The following PAK1 variants were observed in gnomAD, a reference collection of about 807,000 sequenced individuals.
The protein encoded by PAK1 is serine/threonine-protein kinase PAK 1.
PAK1 carries 29 observed loss-of-function variants against 67.4 expected under a neutral mutation model. The observed-to-expected ratio is 0.43, with a 90% CI of 0.32 to 0.59. The LOEUF (loss-of-function observed/expected upper bound fraction) is 0.59. PAK1 is among the 20% of genes least tolerant of loss of function. The pLI, the probability that PAK1 is intolerant of heterozygous loss-of-function variation, is 0.07. For missense variants in PAK1, 337 were observed against 670.7 expected (o/e 0.50, Z 5.50); for synonymous variants, 223 against 237.4 (o/e 0.94, Z 0.56).
intron 2 of PAK1, among the ~76,000 whole-genome samples, chr11:77,380,689 A>G (rs1313637729): frequency 6.6e-6 from 1 of 152,150 alleles, no homozygotes; most frequent in Non-Finnish European, 1.5e-5. Context: ...ATAGTAATTG[A>G]CTATTATAAG....
At chr11:77,457,126 A>T (rs1332782608) in intron 1 of PAK1, among the ~76,000 whole-genome samples, 1 of 152,228 alleles carries the variant, frequency 6.6e-6, no homozygotes, top group Non-Finnish European at 1.5e-5. Flanking sequence ...GCCAGATCAC[A>T]GTCAGGAAAT....
intron 12 of PAK1, 61 bp downstream of exon 12, chr11:77,337,263 C>G: frequency 1.2e-6 from 1 of 800,694 alleles, no homozygotes; most frequent in Non-Finnish European, 2.1e-6. Context: ...TGATGACCAT[C>G]TCACAGGAGA....
chr11:77,503,161 G>A, the PAK1 span, among the ~76,000 whole-genome samples: 48 of 152,228 alleles, frequency 3.2e-4, no homozygotes, highest in African/African-American at 1.2e-3. Flanking sequence ...TCCCTCTGGG[G>A]CCACCACAAA....
intron 2 of PAK1, among the ~76,000 whole-genome samples, chr11:77,391,237 C>G (rs188822155): frequency 6.6e-6 from 1 of 152,262 alleles, no homozygotes; most frequent in African/African-American, 2.4e-5. Flanking sequence ...GCTATGCCTC[C>G]CAGTTTCTAT....
chr11:77,333,641 G>A (rs1170339688), intron 13 of PAK1, among the ~76,000 whole-genome samples: 1 of 152,114 alleles, frequency 6.6e-6, no homozygotes, highest in Non-Finnish European at 1.5e-5. Context: ...AGCAGGAAAG[G>A]AATATTAAAT....
chr11:77,519,644 T>G, the PAK1 span, among the ~76,000 whole-genome samples: 4 of 152,202 alleles, frequency 2.6e-5, no homozygotes, highest in African/African-American at 9.7e-5. Context: ...TTTTCCTAAT[T>G]CTATCATTCC....
intron 1 of PAK1, among the ~76,000 whole-genome samples, chr11:77,433,607 G>A (rs1955966815): frequency 6.6e-6 from 1 of 152,022 alleles, no homozygotes; most frequent in Admixed American, 6.6e-5. Flanking sequence ...GTGAAACCCT[G>A]TCTCTACTAA....
intron 1 of PAK1, among the ~76,000 whole-genome samples, chr11:77,440,878 T>C (rs1478410353): frequency 2.6e-5 from 4 of 151,772 alleles, no homozygotes; most frequent in Non-Finnish European, 5.9e-5. Context: ...CTCCCACCTC[T>C]ACCTGCTCCT....
At chr11:77,338,549 T>G (rs1943094378) in intron 11 of PAK1, among the ~76,000 whole-genome samples, 1 of 152,188 alleles carries the variant, frequency 6.6e-6, no homozygotes, top group African/African-American at 2.4e-5. Context: ...GGAAACAGTT[T>G]GGCAGTTCCT....
At chr11:77,365,124 T>C (rs1185531369) in intron 5 of PAK1, among the ~76,000 whole-genome samples, 1 of 151,676 alleles carries the variant, frequency 6.6e-6, no homozygotes, top group East Asian at 1.9e-4. Flanking sequence ...CGGTGGCACG[T>C]GCCTGTTGTC....
At chr11:77,452,472 G>A (rs977147330) in intron 1 of PAK1, among the ~76,000 whole-genome samples, 2 of 152,144 alleles carry the variant, frequency 1.3e-5, no homozygotes, top group Non-Finnish European at 2.9e-5. Context: ...TGAATGAGCT[G>A]CTTTTCTTCT....
chr11:77,374,143 AGCTGAAAG>A (rs879707996), intron 5 of PAK1, among the ~76,000 whole-genome samples, 177 bp downstream of exon 5: 7 of 152,248 alleles, frequency 4.6e-5, no homozygotes, highest in Non-Finnish European at 1.0e-4. Flanking sequence ...AGGACATTAA[AGCTGAAAG>A]GGATACCCCC....
At chr11:77,481,165 ATTCTAT>A in the PAK1 span, among the ~76,000 whole-genome samples, 5 of 152,206 alleles carry the variant, frequency 3.3e-5, no homozygotes, top group South Asian at 2.1e-4. Context: ...TCCAGTGTCT[ATTCTAT>A]TTCTATTATA....
At chr11:77,347,020 T>A (rs541348557) in intron 9 of PAK1, 3 of 456,166 alleles carry the variant, frequency 6.6e-6, no homozygotes, top group South Asian at 3.1e-5. Context: ...TAACCCCCAA[T>A]AAGCAAGAAC....
chr11:77,483,300 T>C, the PAK1 span, among the ~76,000 whole-genome samples: 1 of 151,904 alleles, frequency 6.6e-6, no homozygotes, highest in Non-Finnish European at 1.5e-5. Context: ...TAACGGCATG[T>C]TCGTAATCCA....
chr11:77,388,642 C>G (rs971040706), intron 2 of PAK1, among the ~76,000 whole-genome samples: 1 of 152,204 alleles, frequency 6.6e-6, no homozygotes, highest in African/African-American at 2.4e-5. Flanking sequence ...CATGAGCCAC[C>G]GTGCCTGGCC....
chr11:77,375,347 A>C (rs1948956531), intron 4 of PAK1, among the ~76,000 whole-genome samples: 1 of 152,202 alleles, frequency 6.6e-6, no homozygotes, highest in East Asian at 1.9e-4. Flanking sequence ...CTCCAGTTTC[A>C]GCTTTCATAA....
intron 14 of PAK1, among the ~76,000 whole-genome samples, chr11:77,331,812 A>G (rs1941600720): frequency 1.4e-5 from 2 of 138,890 alleles, no homozygotes; most frequent in African/African-American, 2.6e-5. Context: ...AAAAAAAAGA[A>G]TTAAAAAAAA....
the PAK1 span, among the ~76,000 whole-genome samples, chr11:77,495,830 G>C: frequency 6.6e-6 from 1 of 152,170 alleles, no homozygotes; most frequent in Non-Finnish European, 1.5e-5. Flanking sequence ...GAGATACCTA[G>C]AGCAGTCAAA....
Sources: allele counts gnomAD v4.1 joint callset (sites outside exome capture counted in the v4.1 genomes callset), GRCh38; gene constraint gnomAD v4.1.1; transcripts MANE v1.5; gene names NCBI Gene and HGNC (gene_info 2026-07-23, HGNC 2026-07-21).